The following AGBL4 variants were observed in gnomAD, a reference collection of about 807,000 sequenced individuals.
The protein encoded by AGBL4 is AGBL carboxypeptidase 4.
A neutral mutation model predicts 66.4 loss-of-function variants in AGBL4; 58 were observed. That is an observed-to-expected ratio of 0.87 (90% confidence interval 0.71 to 1.09). AGBL4 has a LOEUF of 1.09. AGBL4 is among the 50% of genes least tolerant of loss of function. AGBL4 has a pLI of 0.00. For missense variants in AGBL4, 579 were observed against 631.0 expected (o/e 0.92, Z 0.88); for synonymous variants, 234 against 222.9 (o/e 1.05, Z -0.44).
At chr1:48,963,699 T>C (rs1010486997) in intron 5 of AGBL4, among the ~76,000 whole-genome samples, 5 of 152,142 alleles carry the variant, frequency 3.3e-5, no homozygotes, top group Middle Eastern at 3.2e-3. Flanking sequence ...ACTCATCCTG[T>C]GCCTCTGTGG....
At chr1:48,962,688 C>G (rs1292512350) in intron 5 of AGBL4, among the ~76,000 whole-genome samples, 1 of 152,212 alleles carries the variant, frequency 6.6e-6, no homozygotes, top group Non-Finnish European at 1.5e-5. Flanking sequence ...TAGGCCTGCA[C>G]TTGGCAGGAC....
intron 5 of AGBL4, among the ~76,000 whole-genome samples, chr1:49,036,020 C>T (rs1057514927): frequency 6.6e-6 from 1 of 151,704 alleles, no homozygotes; most frequent in African/African-American, 2.4e-5. Context: ...ATACTATGCT[C>T]AGTACCTGGA....
chr1:48,626,764 C>T (rs143252661), intron 9 of AGBL4, among the ~76,000 whole-genome samples: 1 of 152,190 alleles, frequency 6.6e-6, no homozygotes, highest in Non-Finnish European at 1.5e-5. Flanking sequence ...CTGCAGGGAA[C>T]CTCTGGGATA....
chr1:49,023,696 G>A (rs1260838863), intron 5 of AGBL4, among the ~76,000 whole-genome samples: 1 of 152,102 alleles, frequency 6.6e-6, no homozygotes, highest in East Asian at 1.9e-4. Context: ...CAAAAGGTCA[G>A]CTACAGGTAA....
chr1:49,710,623 T>TA (rs901578790), intron 2 of AGBL4, among the ~76,000 whole-genome samples: 1 of 151,504 alleles, frequency 6.6e-6, no homozygotes, highest in Non-Finnish European at 1.5e-5. Context: ...TTAAAATTTT[T>TA]AAAAAATATA....
intron 3 of AGBL4, among the ~76,000 whole-genome samples, chr1:49,331,749 ATGGTC>A (rs1462465283): frequency 3.3e-5 from 5 of 151,918 alleles, no homozygotes; most frequent in African/African-American, 1.2e-4. Context: ...GAGAGCCTAA[ATGGTC>A]TGGGTGTGGA....
chr1:48,727,801 GT>G, intron 6 of AGBL4: 1 of 1,340,244 alleles, frequency 7.5e-7, no homozygotes, highest in South Asian at 1.3e-5. Context: ...ACCATGCACG[GT>G]GGGGTCTGAT....
intron 3 of AGBL4, among the ~76,000 whole-genome samples, chr1:49,549,472 G>A (rs1170156846): frequency 6.6e-6 from 1 of 151,796 alleles, no homozygotes; most frequent in Non-Finnish European, 1.5e-5. Context: ...GGTTTTGATA[G>A]GTTGTGTCAT....
At chr1:48,787,116 G>A (rs983785182) in intron 6 of AGBL4, among the ~76,000 whole-genome samples, 2 of 152,052 alleles carry the variant, frequency 1.3e-5, no homozygotes, top group African/African-American at 2.4e-5. Flanking sequence ...AGGAGTAAAT[G>A]GTAGACACAG....
chr1:48,552,049 C>T (rs1446911554), intron 11 of AGBL4, among the ~76,000 whole-genome samples: 1 of 152,088 alleles, frequency 6.6e-6, no homozygotes, highest in Non-Finnish European at 1.5e-5. Context: ...CTTGTTCATT[C>T]ATTATTTATT....
chr1:49,366,452 C>T (rs759747235), intron 3 of AGBL4, among the ~76,000 whole-genome samples: 5 of 152,124 alleles, frequency 3.3e-5, no homozygotes, highest in Non-Finnish European at 5.9e-5. Flanking sequence ...ATAATTTTTT[C>T]CACCATGAGA....
At chr1:48,789,088 G>T (rs1351245131) in intron 6 of AGBL4, among the ~76,000 whole-genome samples, 2 of 152,062 alleles carry the variant, frequency 1.3e-5, no homozygotes, top group African/African-American at 2.4e-5. Flanking sequence ...AGCAACTGAG[G>T]TTCAGAGAGG....
At chr1:48,924,315 A>C (rs1654341423) in intron 5 of AGBL4, among the ~76,000 whole-genome samples, 2 of 148,238 alleles carry the variant, frequency 1.3e-5, no homozygotes, top group African/African-American at 5.0e-5. Context: ...TAAATAAATA[A>C]ATAGGCTTAT....
intron 4 of AGBL4, among the ~76,000 whole-genome samples, chr1:49,097,031 C>T (rs1645118643): frequency 1.3e-5 from 2 of 152,072 alleles, no homozygotes; most frequent in Admixed American, 6.6e-5. Context: ...TTGACTTTAG[C>T]CTCATAAGTC....
chr1:48,968,803 T>C (rs1207836177), intron 5 of AGBL4, among the ~76,000 whole-genome samples: 14 of 152,080 alleles, frequency 9.2e-5, no homozygotes, highest in Admixed American at 9.2e-4. Flanking sequence ...AACACCATCT[T>C]CCTGATGGCA....
chr1:49,378,774 A>G (rs1212676604), intron 3 of AGBL4, among the ~76,000 whole-genome samples: 1 of 152,096 alleles, frequency 6.6e-6, no homozygotes, highest in African/African-American at 2.4e-5. Flanking sequence ...GGCCAATGGG[A>G]AATCTGAGCA....
At chr1:49,339,226 T>C (rs1326738153) in intron 3 of AGBL4, among the ~76,000 whole-genome samples, 1 of 152,184 alleles carries the variant, frequency 6.6e-6, no homozygotes, top group African/African-American at 2.4e-5. Context: ...TCTAAAATAC[T>C]TTCAATGTTA....
chr1:49,611,845 G>T (rs1257208167), intron 3 of AGBL4, among the ~76,000 whole-genome samples: 5 of 152,150 alleles, frequency 3.3e-5, no homozygotes, highest in Non-Finnish European at 7.4e-5. Flanking sequence ...ATTTGACCTT[G>T]TTATTGTCCT....
At chr1:49,341,462 G>A (rs1338623991) in intron 3 of AGBL4, among the ~76,000 whole-genome samples, 2 of 152,136 alleles carry the variant, frequency 1.3e-5, no homozygotes. Context: ...AGGACAAGAT[G>A]CTTGTTGAAC....
Sources: gnomAD v4.1 joint callset for allele counts (sites outside exome capture counted in the v4.1 genomes callset) on GRCh38, gnomAD v4.1.1 for gene constraint, MANE v1.5 for transcripts, NCBI Gene and HGNC (gene_info 2026-07-23, HGNC 2026-07-21) for gene names.